CACNB2: variants seen among roughly 807,000 people sequenced by gnomAD.
CACNB2 encodes voltage-dependent L-type calcium channel subunit beta-2.
In CACNB2, 42 loss-of-function variants were observed where a neutral mutation model predicts 73.3. The ratio of observed to expected loss-of-function variants is 0.57; its 90% CI spans 0.45 to 0.74. CACNB2 has a LOEUF of 0.74. Ranked by LOEUF, CACNB2 falls within the 30% of genes least tolerant of loss-of-function variation. CACNB2 has a pLI of 0.00. For synonymous variants in CACNB2, 348 were observed against 310.3 expected (o/e 1.12, Z -1.28); for missense variants, 940 against 853.0 (o/e 1.10, Z -1.27).
At chr10:18,518,452 A>G in intron 8 of CACNB2, 36 bp downstream of exon 8, 1 of 1,372,400 alleles carries the variant, frequency 7.3e-7, no homozygotes, top group African/African-American at 1.4e-5. Flanking sequence ...CTTAACTTGC[A>G]TGCTGAACTT....
chr10:18,471,144 A>G (rs942184608), intron 3 of CACNB2, among the ~76,000 whole-genome samples: 8 of 152,102 alleles, frequency 5.3e-5, no homozygotes, highest in African/African-American at 1.9e-4. Context: ...ATCTCTACTA[A>G]AAATACAAAA....
intron 3 of CACNB2, among the ~76,000 whole-genome samples, chr10:18,443,786 C>T (rs2046596408): frequency 6.6e-6 from 1 of 150,908 alleles, no homozygotes; most frequent in South Asian, 2.1e-4. Flanking sequence ...ATGATCTCAG[C>T]TCACTGAAAC....
intron 2 of CACNB2, among the ~76,000 whole-genome samples, chr10:18,167,362 A>G (rs1240209803): frequency 6.6e-6 from 1 of 152,140 alleles, no homozygotes; most frequent in Non-Finnish European, 1.5e-5. Context: ...TGTGTTCACT[A>G]TTGGGGTGAT....
chr10:18,543,429 T>A lies in CACNB2; in HGVS notation c.*3705T>A, dbSNP rs186782208. 6.6e-6 allele frequency: 1 copy of A among 152,230 alleles called. No individual in the cohort carries two copies. The highest frequency in any genetic ancestry group is 1.5e-5 in the Non-Finnish European group (1 of 68,042). 9.4% of individuals were successfully genotyped at this position (152,230 alleles called of 1,614,324 possible). ...CGCTGTACTTTTAACTATTTGTACT[T>A]TGCTTCATTATTTAAAACATGACAC... On this transcript the variant is annotated 3_prime_UTR_variant, in exon 14 of 14. Coordinates refer to ENST00000324631, the MANE Select transcript of CACNB2 (RefSeq NM_201596.3).
At chr10:18,454,737 T>G (rs2047188921) in intron 3 of CACNB2, among the ~76,000 whole-genome samples, 1 of 152,070 alleles carries the variant, frequency 6.6e-6, no homozygotes, top group Admixed American at 6.6e-5. Context: ...ATGATACTGG[T>G]TTTTTCAAAA....
intron 10 of CACNB2, among the ~76,000 whole-genome samples, chr10:18,528,116 T>C (rs2052658046): frequency 6.6e-6 from 1 of 152,204 alleles, no homozygotes; most frequent in South Asian, 2.1e-4. Context: ...ATAAATGATA[T>C]CCATTATTAT....
chr10:18,178,608 T>C (rs1320927065), intron 2 of CACNB2, among the ~76,000 whole-genome samples: 2 of 152,234 alleles, frequency 1.3e-5, no homozygotes, highest in African/African-American at 2.4e-5. Flanking sequence ...CTTTTCCCTA[T>C]TTGCTTGTTT....
intron 2 of CACNB2, among the ~76,000 whole-genome samples, chr10:18,332,788 A>G (rs1471559447): frequency 1.3e-5 from 2 of 152,246 alleles, no homozygotes; most frequent in African/African-American, 2.4e-5. Flanking sequence ...TACATAATAC[A>G]TTGAATTAGT....
At chr10:18,166,028 G>T (rs2032827311) in intron 2 of CACNB2, among the ~76,000 whole-genome samples, 1 of 152,060 alleles carries the variant, frequency 6.6e-6, no homozygotes, top group Admixed American at 6.5e-5. Context: ...AATATCAATT[G>T]ATCTTATATT....
chr10:18,373,438 CA>C (rs2042669390), intron 2 of CACNB2, among the ~76,000 whole-genome samples: 1 of 152,122 alleles, frequency 6.6e-6, no homozygotes, highest in African/African-American at 2.4e-5. Context: ...TATGGTAAGG[CA>C]TTATATTAAG....
intron 7 of CACNB2, among the ~76,000 whole-genome samples, chr10:18,516,128 T>C (rs1020708791): frequency 6.6e-6 from 1 of 151,988 alleles, no homozygotes; most frequent in African/African-American, 2.4e-5. Context: ...GGCAGAAGAA[T>C]TGCTTAAACC....
chr10:18,237,401 C>G (rs947972351), intron 2 of CACNB2, among the ~76,000 whole-genome samples: 1 of 152,040 alleles, frequency 6.6e-6, no homozygotes, highest in African/African-American at 2.4e-5. Flanking sequence ...GATGGTCATC[C>G]AAAGGTGGAG....
intron 2 of CACNB2, among the ~76,000 whole-genome samples, chr10:18,306,552 A>G (rs1037116284): frequency 6.6e-6 from 1 of 152,216 alleles, no homozygotes; most frequent in Non-Finnish European, 1.5e-5. Context: ...GAGAAAGAAG[A>G]GTCTATTGTA....
chr10:18,172,482 G>A (rs1443416255), intron 2 of CACNB2, among the ~76,000 whole-genome samples: 2 of 152,028 alleles, frequency 1.3e-5, no homozygotes, highest in African/African-American at 4.8e-5. Flanking sequence ...AGTTTTCCAC[G>A]CATTGTTTTT....
intron 1 of CACNB2, among the ~76,000 whole-genome samples, chr10:18,141,795 G>A (rs2030443134): frequency 6.6e-6 from 1 of 152,216 alleles, no homozygotes; most frequent in Non-Finnish European, 1.5e-5. Flanking sequence ...CTAGCTGCGG[G>A]CTGGCTGTTG....
At chr10:18,209,173 C>T (rs1258230750) in intron 2 of CACNB2, among the ~76,000 whole-genome samples, 1 of 152,130 alleles carries the variant, frequency 6.6e-6, no homozygotes, top group Non-Finnish European at 1.5e-5. Flanking sequence ...GGAAATCTGC[C>T]TTAAAAATTA....
chr10:18,378,716 A>G (rs2042898971), intron 2 of CACNB2, among the ~76,000 whole-genome samples: 1 of 152,110 alleles, frequency 6.6e-6, no homozygotes, highest in Admixed American at 6.6e-5. Context: ...GCACCACTGC[A>G]CTCCAGTCTG....
intron 3 of CACNB2, among the ~76,000 whole-genome samples, chr10:18,420,566 A>G (rs909000325): frequency 6.6e-6 from 1 of 152,142 alleles, no homozygotes; most frequent in Non-Finnish European, 1.5e-5. Flanking sequence ...CTTGTATTCT[A>G]TTCAAGCCCC....
chr10:18,383,564 G>A (rs1373785245), intron 2 of CACNB2, among the ~76,000 whole-genome samples: 1 of 152,114 alleles, frequency 6.6e-6, no homozygotes, highest in Non-Finnish European at 1.5e-5. Context: ...CAGTGACAGA[G>A]GCAACACAAA....
Sources: gnomAD v4.1 joint callset for allele counts (sites outside exome capture counted in the v4.1 genomes callset) on GRCh38, gnomAD v4.1.1 for gene constraint, MANE v1.5 for transcripts, NCBI Gene and HGNC (gene_info 2026-07-23, HGNC 2026-07-21) for gene names.